Variants in ERBB4 observed in about 807,000 individuals in gnomAD.
ERBB4 encodes receptor tyrosine-protein kinase erbB-4.
A neutral mutation model predicts 158.0 loss-of-function variants in ERBB4; 42 were observed. That is an observed-to-expected ratio of 0.27 (90% CI 0.21 to 0.34). The LOEUF (loss-of-function observed/expected upper bound fraction) is 0.34. ERBB4 is among the 10% of genes least tolerant of loss of function. The pLI, the probability that ERBB4 is intolerant of heterozygous loss-of-function variation, is 1.00. For synonymous variants in ERBB4, 583 were observed against 558.7 expected, an observed-to-expected ratio of 1.04 and a Z score of -0.61; for missense variants, 1,333 against 1,624.1, an observed-to-expected ratio of 0.82 and a Z score of 3.08.
chr2:211,539,458 T>C (rs2066740266), intron 20 of ERBB4, among the ~76,000 whole-genome samples: 1 of 152,056 alleles, frequency 6.6e-6, no homozygotes, highest in Admixed American at 6.6e-5. Context: ...TGCGTCTTTT[T>C]GTGCAACCCT....
At chr2:212,134,521 A>G (rs945807959) in intron 1 of ERBB4, among the ~76,000 whole-genome samples, 1 of 152,056 alleles carries the variant, frequency 6.6e-6, no homozygotes, top group Non-Finnish European at 1.5e-5. Flanking sequence ...AATTTTCATT[A>G]CATAAAACTA....
At chr2:211,500,905 T>G (rs1338482231) in intron 20 of ERBB4, among the ~76,000 whole-genome samples, 2 of 152,048 alleles carry the variant, frequency 1.3e-5, no homozygotes, top group Admixed American at 6.5e-5. Flanking sequence ...AGGTTGTGAC[T>G]GAATAACAGT....
intron 1 of ERBB4, among the ~76,000 whole-genome samples, chr2:212,152,806 G>A (rs547906932): frequency 6.6e-6 from 1 of 152,244 alleles, no homozygotes; most frequent in East Asian, 1.9e-4. Flanking sequence ...CTCATTCAGT[G>A]AATGACCACC....
Position 211,913,345 on chromosome 2 carries a change from A to T in ERBB4, c.421+34085T>A, listed in dbSNP as rs534400434. 2.8e-4 allele frequency among the ~76,000 whole-genome samples: 43 copies of T among 152,276 alleles called. 1 individual carries two copies. Among genetic ancestry groups the T allele is most frequent in the South Asian group, 8.3e-4 (4 of 4,822 alleles). ...CCGGGTGCAGTGGCTCACACCTGTAATCCAAGCACTTTGGGAGGCTGAGGC... is the reference window on the plus strand; with the variant it reads ...CCGGGTGCAGTGGCTCACACCTGTATTCCAAGCACTTTGGGAGGCTGAGGC... On this transcript the variant is annotated intron_variant, in intron 3 of 27. Transcript: ENST00000342788.
chr2:211,842,578 G>A (rs935045754), intron 3 of ERBB4, among the ~76,000 whole-genome samples: 9 of 151,564 alleles, frequency 5.9e-5, no homozygotes, highest in Non-Finnish European at 7.4e-5. Context: ...GTGCCACATT[G>A]TGATATTTAA....
chr2:212,415,650 T>A (rs147235442), intron 1 of ERBB4, among the ~76,000 whole-genome samples: 2 of 152,218 alleles, frequency 1.3e-5, no homozygotes, highest in African/African-American at 4.8e-5. Context: ...ATGTATTTAT[T>A]TAGAAGACAT....
intron 1 of ERBB4, among the ~76,000 whole-genome samples, chr2:212,363,785 G>A (rs1408481505): frequency 6.6e-6 from 1 of 151,586 alleles, no homozygotes; most frequent in African/African-American, 2.4e-5. Context: ...TTGGTAGTGT[G>A]ACAACTAAAC....
chr2:211,813,862 T>G (rs2076817920), intron 3 of ERBB4, among the ~76,000 whole-genome samples: 1 of 152,142 alleles, frequency 6.6e-6, no homozygotes, highest in Admixed American at 6.5e-5. Flanking sequence ...TCAAGAACCT[T>G]AAATTAGTAA....
chr2:212,106,338 T>C (rs1483293464), intron 2 of ERBB4, among the ~76,000 whole-genome samples: 3 of 152,216 alleles, frequency 2.0e-5, no homozygotes, highest in Non-Finnish European at 4.4e-5. Flanking sequence ...ACTCTTGTTA[T>C]GTTTTAACAA....
intron 2 of ERBB4, among the ~76,000 whole-genome samples, chr2:212,056,593 T>C (rs1055652781): frequency 7.2e-5 from 11 of 152,190 alleles, no homozygotes; most frequent in African/African-American, 2.2e-4. Context: ...GCAGAAACTC[T>C]ACAAGACAGA....
At chr2:212,156,413 G>A (rs185890515) in intron 1 of ERBB4, among the ~76,000 whole-genome samples, 3 of 152,198 alleles carry the variant, frequency 2.0e-5, no homozygotes, top group Non-Finnish European at 2.9e-5. Flanking sequence ...AATAGAAGTG[G>A]TGGATAGGAA....
intron 1 of ERBB4, among the ~76,000 whole-genome samples, chr2:212,284,039 A>G (rs577856653): frequency 3.3e-5 from 5 of 152,218 alleles, no homozygotes; most frequent in African/African-American, 1.2e-4. Flanking sequence ...TACAGTGAAC[A>G]TAGCTAGAAC....
At chr2:212,235,414 C>G (rs1403008593) in intron 1 of ERBB4, among the ~76,000 whole-genome samples, 1 of 152,098 alleles carries the variant, frequency 6.6e-6, no homozygotes, top group African/African-American at 2.4e-5. Context: ...TAGCATGATG[C>G]CTCCAGGTTT....
chr2:211,717,538 T>G (rs1193287535), intron 7 of ERBB4, among the ~76,000 whole-genome samples: 1 of 152,172 alleles, frequency 6.6e-6, no homozygotes, highest in Non-Finnish European at 1.5e-5. Flanking sequence ...TTAAATAATC[T>G]ACCCCTCTCG....
intron 1 of ERBB4, among the ~76,000 whole-genome samples, chr2:212,169,446 C>T (rs2081445354): frequency 6.6e-6 from 1 of 152,088 alleles, no homozygotes; most frequent in African/African-American, 2.4e-5. Flanking sequence ...GCTGGGAGAA[C>T]TAGCTAGCCA....
At chr2:212,192,570 A>C (rs981579962) in intron 1 of ERBB4, among the ~76,000 whole-genome samples, 1 of 152,138 alleles carries the variant, frequency 6.6e-6, no homozygotes, top group Non-Finnish European at 1.5e-5. Context: ...TGAAGGAAAA[A>C]AGGACAAATA....
chr2:211,394,105 G>T (rs1292365437), intron 25 of ERBB4, among the ~76,000 whole-genome samples: 1 of 152,074 alleles, frequency 6.6e-6, no homozygotes, highest in Non-Finnish European at 1.5e-5. Context: ...ATGGCTAAAT[G>T]AGTCAATAAA....
At chr2:212,508,276 T>G (rs1047029357) in intron 1 of ERBB4, among the ~76,000 whole-genome samples, 2 of 152,194 alleles carry the variant, frequency 1.3e-5, no homozygotes, top group African/African-American at 4.8e-5. Flanking sequence ...CAGCTTATTG[T>G]GGTGGTCTGA....
chr2:212,118,086 C>G (rs960699607), intron 2 of ERBB4, among the ~76,000 whole-genome samples: 1 of 152,152 alleles, frequency 6.6e-6, no homozygotes, highest in Non-Finnish European at 1.5e-5. Flanking sequence ...ATATGGAAAA[C>G]AGACACAAAC....
Sources: gnomAD v4.1 joint callset for allele counts (sites outside exome capture counted in the v4.1 genomes callset) on GRCh38, gnomAD v4.1.1 for gene constraint, MANE v1.5 for transcripts, NCBI Gene and HGNC (gene_info 2026-07-23, HGNC 2026-07-21) for gene names.